Variants in GLG1 observed in about 807,000 individuals in gnomAD.
GLG1 encodes the protein golgi glycoprotein 1.
In GLG1, 38 loss-of-function variants were observed where a neutral mutation model predicts 160.5. The observed-to-expected ratio is 0.24, with a 90% CI of 0.18 to 0.31. The LOEUF (loss-of-function observed/expected upper bound fraction) is 0.31, where lower values mean the gene tolerates loss of function less well. Among genes scored for constraint, GLG1 ranks in the 10% least tolerant of loss-of-function variants. The probability of loss-of-function intolerance (pLI) is 1.00; values close to 1 mark genes in which losing one functional copy is unlikely to be tolerated. For synonymous variants in GLG1, 644 were observed against 543.4 expected (o/e 1.19, Z -2.57); for missense variants, 1,373 against 1,505.2 (o/e 0.91, Z 1.45).
At chr16:74,467,428 T>C (rs976115953) in intron 18 of GLG1, among the ~76,000 whole-genome samples, 1 of 152,096 alleles carries the variant, frequency 6.6e-6, no homozygotes, top group South Asian at 2.1e-4. Flanking sequence ...ACGGTTAATT[T>C]TGGAGGTGCA....
At chr16:74,571,439 G>C (rs185331274) in intron 1 of GLG1, among the ~76,000 whole-genome samples, 1 of 152,290 alleles carries the variant, frequency 6.6e-6, no homozygotes, top group East Asian at 1.9e-4. Context: ...TTGGGCAACT[G>C]AGGTGGGAAG....
At chr16:74,529,738 T>C (rs2017465453) in intron 2 of GLG1, among the ~76,000 whole-genome samples, 2 of 151,972 alleles carry the variant, frequency 1.3e-5, no homozygotes, top group Admixed American at 6.6e-5. Context: ...CCAAATCTCC[T>C]GTTTTTTGGA....
In GLG1 at chr16:74,473,414, A is replaced by G. The variant is rs1380019319; in HGVS notation, c.2053-1003T>C. Among the ~76,000 whole-genome samples, 5 of 140,094 alleles carry G rather than the reference A, an allele frequency of 3.6e-5. No individual in the cohort carries two copies. The East Asian group carries it at 8.3e-4, about 23-fold the overall frequency. The allele number at this position is 140,094 out of a possible 152,430, so 91.9% of individuals were successfully genotyped here. The stretch of plus-strand genomic sequence containing the variant: ...TTTTTAGTAGAAACGGGGTTTCACC[A>G]TGTTGGCCAGGATGGTCTTGACCTT... On this transcript the variant is annotated intron_variant, in intron 13 of 25. Coordinates refer to ENST00000422840, the MANE Select transcript of GLG1 (RefSeq NM_001145667.2).
At chr16:74,517,973 C>A (rs1469828076) in intron 2 of GLG1, among the ~76,000 whole-genome samples, 1 of 152,026 alleles carries the variant, frequency 6.6e-6, no homozygotes, top group African/African-American at 2.4e-5. Context: ...TAATAAAATA[C>A]CTAGGAATCC....
rs892732148 is a variant in GLG1, at chr16:74,502,514, G to A, written c.774+1017C>T. 2.0e-5 allele frequency among the ~76,000 whole-genome samples: 3 copies of A among 151,854 alleles called. No homozygotes were observed. In the East Asian group the frequency reaches 5.8e-4, roughly 29 times the overall value. ...TCTTAAAATTTTCTGATATTTTATA[G>A]ATGGACAGCAGCCAGTGTGCTAAGT... On this transcript the variant is annotated intron_variant, in intron 4 of 25. Transcript: ENST00000422840.
intron 1 of GLG1, among the ~76,000 whole-genome samples, chr16:74,552,071 AG>A (rs1013526962): frequency 2.0e-5 from 3 of 151,898 alleles, no homozygotes; most frequent in Admixed American, 2.0e-4. Flanking sequence ...TGTGGAAAAT[AG>A]GTTATATAAA....
At chr16:74,585,396 G>A (rs904839285) in intron 1 of GLG1, among the ~76,000 whole-genome samples, 5 of 151,878 alleles carry the variant, frequency 3.3e-5, no homozygotes, top group Non-Finnish European at 5.9e-5. Context: ...GCAACAGAGC[G>A]AGACTCTGTC....
intron 3 of GLG1, among the ~76,000 whole-genome samples, chr16:74,508,526 G>A (rs993885804): frequency 6.6e-6 from 1 of 152,102 alleles, no homozygotes; most frequent in African/African-American, 2.4e-5. Flanking sequence ...CCTGTAACCA[G>A]GCTGATATGC....
At chr16:74,456,593 T>C (rs2014550119) in intron 25 of GLG1, 56 bp downstream of exon 25, 1 of 1,036,784 alleles carries the variant, frequency 9.6e-7, no homozygotes, top group African/African-American at 1.6e-5. Context: ...TGCAAATTGG[T>C]GAAGTGTTCC....
intron 1 of GLG1, among the ~76,000 whole-genome samples, chr16:74,581,380 T>A (rs1957933933): frequency 6.6e-6 from 1 of 151,958 alleles, no homozygotes; most frequent in South Asian, 2.1e-4. Context: ...AAAAGTGAAA[T>A]AAGCCAGACA....
At chr16:74,462,053 G>A (rs1424617149) in intron 22 of GLG1, 41 bp downstream of exon 22, 7 of 1,020,544 alleles carry the variant, frequency 6.9e-6, no homozygotes, top group Non-Finnish European at 1.1e-5. Flanking sequence ...AAACTTCTCT[G>A]AGCAGCTCTG....
intron 3 of GLG1, among the ~76,000 whole-genome samples, chr16:74,504,767 A>G (rs9921496): frequency 0.94 from 143,817 of 152,242 alleles, 68,149 homozygotes; most frequent in East Asian, 1. Flanking sequence ...CCTAGTTTGG[A>G]TGGTTTAGAC....
At chr16:74,512,978 T>C (rs1404540786) in intron 2 of GLG1, among the ~76,000 whole-genome samples, 17 of 151,924 alleles carry the variant, frequency 1.1e-4, no homozygotes, top group African/African-American at 2.4e-5. Context: ...TGTACAAAAG[T>C]AGAAAGGACA....
At chr16:74,499,997 C>T (rs576277113) in intron 4 of GLG1, among the ~76,000 whole-genome samples, 4 of 152,156 alleles carry the variant, frequency 2.6e-5, no homozygotes, top group Admixed American at 2.0e-4. Context: ...AGTGAGACTC[C>T]GTCTCAACAA....
At chr16:74,476,912 C>A (rs1299780893) in intron 12 of GLG1, among the ~76,000 whole-genome samples, 1 of 152,078 alleles carries the variant, frequency 6.6e-6, no homozygotes, top group Non-Finnish European at 1.5e-5. Flanking sequence ...TTCATGCAGA[C>A]CAGTACTCAC....
intron 9 of GLG1, among the ~76,000 whole-genome samples, chr16:74,484,491 G>C (rs908879496): frequency 1.3e-5 from 2 of 151,952 alleles, no homozygotes; most frequent in Non-Finnish European, 2.9e-5. Context: ...GGCCGGGCGT[G>C]GTGGCTCACA....
chr16:74,494,270 G>A (rs963105742), intron 6 of GLG1, among the ~76,000 whole-genome samples: 3 of 151,946 alleles, frequency 2.0e-5, no homozygotes, highest in Non-Finnish European at 4.4e-5. Context: ...CACAATCAGG[G>A]TTTCATTTTC....
At chr16:74,487,474 T>C (rs2015834007) in intron 8 of GLG1, among the ~76,000 whole-genome samples, 2 of 152,132 alleles carry the variant, frequency 1.3e-5, no homozygotes, top group African/African-American at 4.8e-5. Context: ...AAGAAGCTGG[T>C]AATCCAGAAG....
intron 6 of GLG1, 93 bp downstream of exon 6, chr16:74,494,667 A>C: frequency 3.4e-6 from 2 of 592,960 alleles, no homozygotes; most frequent in Non-Finnish European, 6.3e-6. Context: ...AGCCTCCCAA[A>C]GTGCTGGGAT....
Sources: allele counts gnomAD v4.1 joint callset (sites outside exome capture counted in the v4.1 genomes callset), GRCh38; gene constraint gnomAD v4.1.1; transcripts MANE v1.5; gene names NCBI Gene and HGNC (gene_info 2026-07-23, HGNC 2026-07-21).